ZNF653: variants seen among roughly 807,000 people sequenced by gnomAD.
ZNF653 encodes 67 kDa zinc finger protein.
Under a neutral mutation model 59.9 loss-of-function variants are expected in ZNF653, and 37 were observed. The ratio of observed to expected loss-of-function variants is 0.62; its 90% confidence interval spans 0.48 to 0.81. The LOEUF is 0.81. Ranked by LOEUF, ZNF653 falls within the 40% of genes least tolerant of loss-of-function variation. ZNF653 has a pLI of 0.00. For missense variants in ZNF653, 808 were observed against 881.1 expected (o/e 0.92, Z 1.05); for synonymous variants, 435 against 371.8 (o/e 1.17, Z -1.96).
In ZNF653 at chr19:11,487,668, T is replaced by C. The variant is rs311805; in HGVS notation, c.795A>G (p.Pro265=). 0.13 allele frequency: 208,080 copies of C among 1,613,722 alleles called. 27,510 individuals are homozygous for C. Among genetic ancestry groups the C allele is most frequent in the African/African-American group, 0.7 (52,235 of 75,012 alleles). ...CCAGGGCTTCAGGCCCATTGCCTGC[T>C]GGGTTGGAGCACAGCGGGGTACCCT... ...AEQGTPLCSN[P]AGNGPEALET... is the part of the protein sequence containing the mutation. The change falls in exon 4 of 9, where the codon CCA becomes CCG. Residue 265 remains proline, a synonymous_variant. Transcript: ENST00000293771. This position sits in a 1 kb window ranked among gnomAD's most constrained non-coding sequence, Gnocchi z 5.1.
intron 6 of ZNF653, 72 bp from the exon 7 acceptor site, chr19:11,485,842 G>C: frequency 8.0e-7 from 1 of 1,243,238 alleles, no homozygotes; most frequent in Non-Finnish European, 1.2e-6. Context: ...GGAGAGATGA[G>C]GGCAGCTGGA....
intron 3 of ZNF653, among the ~76,000 whole-genome samples, chr19:11,488,875 C>T (rs182754945): frequency 6.6e-5 from 10 of 151,580 alleles, no homozygotes; most frequent in African/African-American, 2.2e-4. Context: ...GGATTACAGG[C>T]ATGAGCCACC....
At position 11,487,577 on chromosome 19, in the gene ZNF653, C is replaced by T. The variant is rs368587532; in HGVS notation, c.886G>A (p.Val296Met). 6.1e-5 allele frequency: 99 copies of T among 1,613,822 alleles called. 1 individual carries two copies. Among genetic ancestry groups the T allele is most frequent in the Non-Finnish European group, 7.0e-5 (83 of 1,179,992 alleles). The change falls in exon 4 of 9, where the codon GTG becomes ATG. Residue 296 changes from valine to methionine, a missense_variant. Coordinates refer to ENST00000293771, the MANE Select transcript of ZNF653 (RefSeq NM_138783.4). The surrounding 1 kb of genome is among the most constrained non-coding windows in gnomAD (Gnocchi z 5.1). ...GAGPSALFEN[V>M]PQEALGEVVA... Reference sequence around the variant, plus strand: ...ACCTCACCCAGGGCCTCCTGGGGCACGTTCTCAAAGAGGGCGCTGGGGCCC... The same window carrying T: ...ACCTCACCCAGGGCCTCCTGGGGCATGTTCTCAAAGAGGGCGCTGGGGCCC...
At chr19:11,498,119 A>G (rs1971607299) in intron 2 of ZNF653, among the ~76,000 whole-genome samples, 177 bp downstream of exon 2, 1 of 152,192 alleles carries the variant, frequency 6.6e-6, no homozygotes, top group Non-Finnish European at 1.5e-5. Context: ...CAAGAGAATG[A>G]GGGAGCCAAG....
At position 11,495,087 on chromosome 19, in the gene ZNF653, G is replaced by A. The variant is rs1286486316; in HGVS notation, c.559+863C>T. ...GGCCAGCTGGGATGCCACCTGCTCCGAGATGCCAGCCAGCGCAGGCTCAGC... is the reference window on the plus strand; with the variant it reads ...GGCCAGCTGGGATGCCACCTGCTCCAAGATGCCAGCCAGCGCAGGCTCAGC... On this transcript the variant is annotated intron_variant, in intron 3 of 8. Coordinates refer to ENST00000293771, the MANE Select transcript of ZNF653 (RefSeq NM_138783.4). This position sits in a 1 kb window ranked among gnomAD's most constrained non-coding sequence, Gnocchi z 4.9. 1.3e-5 allele frequency among the ~76,000 whole-genome samples: 2 copies of A among 152,176 alleles called. No homozygotes were observed. Among genetic ancestry groups the A allele is most frequent in the Non-Finnish European group, 2.9e-5 (2 of 68,030 alleles).
chr19:11,500,980 C>G (rs1971637946), intron 1 of ZNF653, among the ~76,000 whole-genome samples: 1 of 152,176 alleles, frequency 6.6e-6, no homozygotes, highest in Non-Finnish European at 1.5e-5. Context: ...TGCCACTTCT[C>G]TGTGACTCCC....
intron 3 of ZNF653, among the ~76,000 whole-genome samples, chr19:11,489,201 G>A (rs1568394374): frequency 6.8e-6 from 1 of 146,582 alleles, no homozygotes; most frequent in Admixed American, 6.8e-5. Flanking sequence ...CATCTGGCCC[G>A]ATTTTGTTTT....
rs750527089 is a variant in ZNF653 at position 11,487,055 on chromosome 19, C to G, written c.1275G>C (p.Ala425=). 6.2e-7 allele frequency: 1 copy of G among 1,614,124 alleles called. No homozygotes were observed. Among genetic ancestry groups the G allele is most frequent in the Non-Finnish European group, 8.5e-7 (1 of 1,179,998 alleles). ...CGCTGCCGTCCAGCTCCTCCCCGTCCGCCTCTGCCTCAGGCTCTGCGCTCT... is the reference window on the plus strand; with the variant it reads ...CGCTGCCGTCCAGCTCCTCCCCGTCGGCCTCTGCCTCAGGCTCTGCGCTCT... ...VPESAEPEAE[A]DGEELDGSDM... is the part of the protein sequence containing the mutation. Residue 425 remains alanine, a synonymous_variant, in exon 5 of 9, where the codon GCG becomes GCC. Coordinates refer to ENST00000293771, the MANE Select transcript of ZNF653 (RefSeq NM_138783.4). This position sits in a 1 kb window ranked among gnomAD's most constrained non-coding sequence, Gnocchi z 5.1.
chr19:11,483,681 G>A lies in ZNF653; in HGVS notation c.*1C>T. The A allele has an allele frequency of 1.9e-6, 3 of 1,611,542 alleles. No homozygotes were observed. Among genetic ancestry groups the A allele is most frequent in the Non-Finnish European group, 2.5e-6 (3 of 1,177,866 alleles). On this transcript the variant is annotated 3_prime_UTR_variant, in exon 9 of 9. Transcript: ENST00000293771. ...ATAGGGGCGGTCAGTGGTCAGGTGG[G>A]TCAGGTGGGCTTGTGATCCGGGTGG... is the stretch of plus-strand genomic sequence containing the variant.
intron 2 of ZNF653, 103 bp downstream of exon 2, chr19:11,498,193 A>C: frequency 1.5e-5 from 23 of 1,530,752 alleles, no homozygotes; most frequent in Non-Finnish European, 1.7e-5. Context: ...GCTGGTTCCA[A>C]CTGTGCTGCC....
intron 8 of ZNF653, 21 bp from the exon 9 acceptor site, chr19:11,483,880 G>C: frequency 1.3e-6 from 2 of 1,520,384 alleles, no homozygotes; most frequent in Non-Finnish European, 1.8e-6. Context: ...CCCGTGGCGG[G>C]ACGGGGCGGG....
intron 1 of ZNF653, chr19:11,500,534 A>C (rs1971632940): frequency 6.6e-6 from 1 of 152,288 alleles, no homozygotes; most frequent in South Asian, 2.1e-4. Flanking sequence ...GGATTTCGCT[A>C]TGTTGGCCAG....
At chr19:11,496,256 C>CT (rs1294822717) in intron 2 of ZNF653, 91 bp from the exon 3 acceptor site, 164 of 1,344,824 alleles carry the variant, frequency 1.2e-4, no homozygotes, top group Non-Finnish European at 9.2e-6. Flanking sequence ...TTATGGGTCC[C>CT]ATGGGTTTGG....
chr19:11,499,656 A>C (rs1971623858), intron 1 of ZNF653, among the ~76,000 whole-genome samples: 1 of 151,694 alleles, frequency 6.6e-6, no homozygotes, highest in African/African-American at 2.4e-5. Flanking sequence ...TCATTCCTGT[A>C]ATCTCAGCAC....
intron 3 of ZNF653, among the ~76,000 whole-genome samples, chr19:11,488,628 C>A (rs187361168): frequency 6.6e-6 from 1 of 151,052 alleles, no homozygotes; most frequent in African/African-American, 2.4e-5. Flanking sequence ...GATGGAGTCT[C>A]GCTCTGTCAC....
At chr19:11,501,797 C>A (rs1971647346) in intron 1 of ZNF653, among the ~76,000 whole-genome samples, 1 of 150,604 alleles carries the variant, frequency 6.6e-6, no homozygotes, top group Admixed American at 6.6e-5. Flanking sequence ...CCTTTAGTAA[C>A]TTTTTTTTTT....
rs137856645 is a variant in ZNF653, at chr19:11,484,073, G to A, written c.1639C>T (p.Arg547Trp). ...GGGGTCTCGCCGGTGTGGGTGCGCC[G>A]ATGTACCTCCAGGTGGTTCTTCCTC... is the stretch of plus-strand genomic sequence containing the variant. ...FKRKNHLEVH[R>W]RTHTGETPLQ... The change falls in exon 8 of 9, where the codon CGG becomes TGG. Residue 547 changes from arginine to tryptophan, a missense_variant. By Grantham distance (101) the Arg-to-Trp change is moderately radical (BLOSUM62 -3). Transcript: ENST00000293771. 9.0e-6 allele frequency: 14 copies of A among 1,559,682 alleles called. No individual in the cohort carries two copies. The East Asian group carries it at 1.2e-4, about 13-fold the overall frequency.
At chr19:11,492,867 T>C (rs1971543642) in intron 3 of ZNF653, among the ~76,000 whole-genome samples, 1 of 152,136 alleles carries the variant, frequency 6.6e-6, no homozygotes, top group South Asian at 2.1e-4. Context: ...TGCTTCTGCC[T>C]GCCAAGTAGC....
At chr19:11,502,508 T>A (rs1012098989) in intron 1 of ZNF653, among the ~76,000 whole-genome samples, 6 of 152,280 alleles carry the variant, frequency 3.9e-5, no homozygotes, top group Admixed American at 2.0e-4. Flanking sequence ...CCCCATCCAT[T>A]CTTCAAGCCA....
Sources: allele counts gnomAD v4.1 joint callset (sites outside exome capture counted in the v4.1 genomes callset), GRCh38; gene constraint gnomAD v4.1.1; non-coding constraint Gnocchi (gnomAD v3.1); transcripts MANE v1.5; gene names NCBI Gene and HGNC (gene_info 2026-07-23, HGNC 2026-07-21).